The following ZPLD1 variants were observed in gnomAD, a reference collection of about 807,000 sequenced individuals.
ZPLD1 encodes zona pellucida-like domain-containing protein 1.
ZPLD1 carries 34 observed loss-of-function variants against 47.2 expected under a neutral mutation model. The ratio of observed to expected loss-of-function variants is 0.72; its 90% CI spans 0.55 to 0.96. ZPLD1 has a LOEUF of 0.96. Ranked by LOEUF, ZPLD1 falls within the 40% of genes least tolerant of loss-of-function variation. The pLI is 0.00. For synonymous variants in ZPLD1, 176 were observed against 186.2 expected (o/e 0.95, Z 0.45); for missense variants, 512 against 505.8 (o/e 1.01, Z -0.12).
intron 7 of ZPLD1, among the ~76,000 whole-genome samples, chr3:102,408,207 C>CA (rs1412772639): frequency 1.3e-5 from 2 of 151,616 alleles, no homozygotes; most frequent in African/African-American, 4.8e-5. Context: ...CTCACAAGCA[C>CA]AAAAAACCTA....
At chr3:102,472,531 C>CAAA (rs374641646) in intron 10 of ZPLD1, among the ~76,000 whole-genome samples, 1 of 85,400 alleles carries the variant, frequency 1.2e-5, no homozygotes. Context: ...GACTCTGTCT[C>CAAA]AAAAAAAAAA....
intron 7 of ZPLD1, among the ~76,000 whole-genome samples, chr3:102,396,017 A>G (rs1706553107): frequency 6.6e-6 from 1 of 152,110 alleles, no homozygotes; most frequent in African/African-American, 2.4e-5. Context: ...TGTCATTTCA[A>G]GATGTTTTGT....
intron 7 of ZPLD1, among the ~76,000 whole-genome samples, chr3:102,410,883 C>T (rs1053826734): frequency 6.6e-6 from 1 of 151,692 alleles, no homozygotes; most frequent in African/African-American, 2.4e-5. Flanking sequence ...ATAAAAATTC[C>T]AACAGATTTG....
chr3:102,435,278 G>A, intron 1 of ZPLD1, 124 bp downstream of exon 1: 2 of 1,028,678 alleles, frequency 1.9e-6, no homozygotes, highest in Non-Finnish European at 3.0e-6. Context: ...ATTCAAAATA[G>A]GGATACTGCC....
chr3:102,472,071 C>G (rs1380934905), intron 10 of ZPLD1, among the ~76,000 whole-genome samples: 2 of 152,170 alleles, frequency 1.3e-5, no homozygotes, highest in East Asian at 3.9e-4. Flanking sequence ...CCAAAAAATT[C>G]AGACAATTGC....
chr3:102,405,633 G>C (rs1429425242), intron 7 of ZPLD1, among the ~76,000 whole-genome samples: 2 of 152,004 alleles, frequency 1.3e-5, no homozygotes, highest in Non-Finnish European at 2.9e-5. Context: ...ACTCATTGTG[G>C]TGCCAAATTA....
At chr3:102,446,050 T>C (rs1707251107) in intron 3 of ZPLD1, among the ~76,000 whole-genome samples, 1 of 152,184 alleles carries the variant, frequency 6.6e-6, no homozygotes, top group South Asian at 2.1e-4. Context: ...GATGAACCCA[T>C]ATCAACTGTA....
At chr3:102,430,626 G>C (rs1317593610), upstream of ZPLD1, among the ~76,000 whole-genome samples, 2 of 152,152 alleles carry the variant, frequency 1.3e-5, no homozygotes, top group African/African-American at 4.8e-5. Flanking sequence ...TCTTAGGAAA[G>C]GGTTGACAAA....
intron 8 of ZPLD1, among the ~76,000 whole-genome samples, chr3:102,422,914 A>C (rs1038884179): frequency 1.3e-5 from 2 of 152,054 alleles, no homozygotes; most frequent in African/African-American, 4.8e-5. Context: ...TGACATGATC[A>C]GGCAGTCTAT....
chr3:102,468,531 C>A (rs1267091521), intron 8 of ZPLD1, among the ~76,000 whole-genome samples: 1 of 152,066 alleles, frequency 6.6e-6, no homozygotes, highest in East Asian at 1.9e-4. Flanking sequence ...CGAGGTACCA[C>A]ATAGTGTAGA....
intron 3 of ZPLD1, among the ~76,000 whole-genome samples, chr3:102,446,508 T>G (rs575431154): frequency 1.3e-5 from 2 of 152,302 alleles, no homozygotes; most frequent in South Asian, 4.1e-4. Flanking sequence ...AACTATCTGC[T>G]GTACATTTCT....
chr3:102,417,457 T>C lies in ZPLD1; in HGVS notation c.-156-603T>C, dbSNP rs1002367650. Among the ~76,000 whole-genome samples, 5 of 151,944 alleles carry C rather than the reference T, an allele frequency of 3.3e-5. No individual in the cohort carries two copies. In the East Asian group the frequency reaches 7.8e-4, roughly 24 times the overall value. On this transcript the variant is annotated intron_variant, in intron 7 of 17. Transcript: ENST00000491959. ...GTGGAATGCTTAGATGACTTCCAAA[T>C]TGGGTCCCAGGCTCCAAAGGCTGGT...
At chr3:102,471,665 A>C (rs1220261773) in intron 10 of ZPLD1, among the ~76,000 whole-genome samples, 1 of 151,756 alleles carries the variant, frequency 6.6e-6, no homozygotes, top group East Asian at 1.9e-4. Flanking sequence ...GGCATAAAAA[A>C]CTCTGAAACT....
At chr3:102,413,594 A>T (rs1706770381) in intron 7 of ZPLD1, among the ~76,000 whole-genome samples, 1 of 151,754 alleles carries the variant, frequency 6.6e-6, no homozygotes, top group Non-Finnish European at 1.5e-5. Flanking sequence ...TGCAACTTTG[A>T]TGCTGGGCCC....
chr3:102,388,287 A>G (rs1706455714), intron 6 of ZPLD1, among the ~76,000 whole-genome samples: 1 of 151,386 alleles, frequency 6.6e-6, no homozygotes, highest in Non-Finnish European at 1.5e-5. Context: ...GAGAGAGTAT[A>G]CTCTCTCTTG....
intron 3 of ZPLD1, among the ~76,000 whole-genome samples, chr3:102,448,641 A>G (rs1707293655): frequency 6.6e-6 from 1 of 152,218 alleles, no homozygotes. Flanking sequence ...TTGTCATCAT[A>G]TCTTAAAGTG....
At chr3:102,438,804 AT>A (rs1431168743) in intron 3 of ZPLD1, among the ~76,000 whole-genome samples, 1 of 152,208 alleles carries the variant, frequency 6.6e-6, no homozygotes, top group African/African-American at 2.4e-5. Flanking sequence ...TATTATTATA[AT>A]GGCTGCTCAC....
At chr3:102,386,137 T>C (rs548756044) in intron 6 of ZPLD1, among the ~76,000 whole-genome samples, 2 of 152,188 alleles carry the variant, frequency 1.3e-5, no homozygotes, top group Admixed American at 1.3e-4. Flanking sequence ...ACCCAAGAAA[T>C]GCTGGAAAGA....
At chr3:102,464,038 A>G (rs1707551833) in intron 7 of ZPLD1, 133 bp from the exon 8 acceptor site, 1 of 668,908 alleles carries the variant, frequency 1.5e-6, no homozygotes, top group African/African-American at 1.8e-5. Context: ...CAACGGAACA[A>G]GACTCCGTCT....
Sources: gnomAD v4.1 joint callset for allele counts (sites outside exome capture counted in the v4.1 genomes callset) on GRCh38, gnomAD v4.1.1 for gene constraint, MANE v1.5 for transcripts, NCBI Gene and HGNC (gene_info 2026-07-23, HGNC 2026-07-21) for gene names.